MAGI2: variants seen among roughly 807,000 people sequenced by gnomAD.
MAGI2 encodes the protein membrane-associated guanylate kinase, WW and PDZ domain-containing protein 2.
A neutral mutation model predicts 133.3 loss-of-function variants in MAGI2; 35 were observed. That is an observed-to-expected ratio of 0.26 (90% CI 0.20 to 0.35). MAGI2 has a LOEUF of 0.35. Among genes scored for constraint, MAGI2 ranks in the 10% least tolerant of loss-of-function variants. The probability of loss-of-function intolerance (pLI) is 1.00; values close to 1 mark genes in which losing one functional copy is unlikely to be tolerated. For missense variants in MAGI2, 1,636 were observed against 1,863.4 expected, an observed-to-expected ratio of 0.88 and a Z score of 2.25; for synonymous variants, 729 against 710.6, an observed-to-expected ratio of 1.03 and a Z score of -0.41.
chr7:79,254,326 T>C (rs1833534506), intron 1 of MAGI2, among the ~76,000 whole-genome samples: 1 of 152,224 alleles, frequency 6.6e-6, no homozygotes, highest in Non-Finnish European at 1.5e-5. Context: ...GTCTTTTGAC[T>C]TGTTTATGGC....
intron 1 of MAGI2, among the ~76,000 whole-genome samples, chr7:79,404,633 A>G (rs1479243577): frequency 1.3e-5 from 2 of 152,148 alleles, no homozygotes; most frequent in African/African-American, 4.8e-5. Flanking sequence ...ATGTTTTTCA[A>G]AAAAGCCAGA....
At chr7:79,363,083 A>T (rs1024709384) in intron 1 of MAGI2, among the ~76,000 whole-genome samples, 7 of 151,702 alleles carry the variant, frequency 4.6e-5, no homozygotes, top group African/African-American at 1.7e-4. Flanking sequence ...AAGAACTGGT[A>T]CTTGAGTTCA....
chr7:79,357,107 G>A (rs1842071990), intron 1 of MAGI2, among the ~76,000 whole-genome samples: 1 of 152,164 alleles, frequency 6.6e-6, no homozygotes. Context: ...AAATCTGACA[G>A]TCAGGCTTGT....
chr7:78,445,395 C>G (rs1225192420), intron 6 of MAGI2, among the ~76,000 whole-genome samples: 1 of 151,984 alleles, frequency 6.6e-6, no homozygotes, highest in East Asian at 1.9e-4. Context: ...CATCTTTTGG[C>G]TGGCTGCATT....
intron 1 of MAGI2, among the ~76,000 whole-genome samples, chr7:79,122,138 T>C (rs1819957366): frequency 6.6e-6 from 1 of 152,206 alleles, no homozygotes; most frequent in Non-Finnish European, 1.5e-5. Context: ...TCATTTTGAA[T>C]CTATACTAAA....
At chr7:78,394,240 C>T (rs1796146579) in intron 6 of MAGI2, among the ~76,000 whole-genome samples, 1 of 152,336 alleles carries the variant, frequency 6.6e-6, no homozygotes, top group South Asian at 2.1e-4. Flanking sequence ...CAAGTAAACA[C>T]ATAAAATTAA....
chr7:78,355,675 T>A (rs570466641), intron 7 of MAGI2, among the ~76,000 whole-genome samples: 6 of 152,272 alleles, frequency 3.9e-5, no homozygotes, highest in Admixed American at 2.0e-4. Flanking sequence ...ACACTTAGCT[T>A]TTATGGTGAA....
intron 21 of MAGI2, among the ~76,000 whole-genome samples, chr7:78,056,151 T>G (rs978252523): frequency 1.3e-5 from 2 of 152,204 alleles, no homozygotes; most frequent in Non-Finnish European, 2.9e-5. Context: ...AGATGCCTCA[T>G]GTAAGTGGAA....
chr7:78,228,908 T>C (rs1383412796), intron 10 of MAGI2, among the ~76,000 whole-genome samples: 3 of 152,238 alleles, frequency 2.0e-5, no homozygotes, highest in Non-Finnish European at 4.4e-5. Context: ...AGATGTAACA[T>C]ATTTCTTGGA....
intron 1 of MAGI2, among the ~76,000 whole-genome samples, chr7:79,416,234 A>T (rs2129175343): frequency 6.6e-6 from 1 of 152,234 alleles, no homozygotes; most frequent in East Asian, 1.9e-4. Flanking sequence ...GGTAAATAAA[A>T]CTAGAAATAT....
At chr7:79,275,787 G>A (rs906402799) in intron 1 of MAGI2, among the ~76,000 whole-genome samples, 3 of 152,022 alleles carry the variant, frequency 2.0e-5, no homozygotes, top group African/African-American at 7.2e-5. Flanking sequence ...TCTAAAAAAG[G>A]GCCCTTAAGA....
In MAGI2 at chr7:78,019,753, G is replaced by C; in HGVS notation, c.3930C>G (p.Leu1310=). The part of the protein sequence containing the change: ...LSACGQKKQR[L]GEQRERSASP... ...TCGCCGAGCGCTCCCTCTGCTCCCC[G>C]AGGCGCTGCTTCTTCTGGCCGCAGG... Residue 1310 remains leucine (L), a synonymous_variant, in exon 22 of 22, where the codon CTC becomes CTG. Coordinates refer to ENST00000354212, the MANE Select transcript of MAGI2 (RefSeq NM_012301.4). 3 of 1,611,700 alleles carry C rather than the reference G, an allele frequency of 1.9e-6. No homozygotes were observed. The highest frequency in any genetic ancestry group is 2.5e-6 in the Non-Finnish European group (3 of 1,179,400).
intron 10 of MAGI2, among the ~76,000 whole-genome samples, chr7:78,226,399 T>C (rs747757746): frequency 2.0e-5 from 3 of 152,072 alleles, no homozygotes; most frequent in Non-Finnish European, 2.9e-5. Context: ...TAATGGATTA[T>C]AGACAAAATA....
At chr7:79,068,564 A>T (rs1216715362) in intron 1 of MAGI2, among the ~76,000 whole-genome samples, 1 of 152,022 alleles carries the variant, frequency 6.6e-6, no homozygotes, top group Admixed American at 6.6e-5. Context: ...GATTTTTTGA[A>T]GGGTTTTTTG....
intron 10 of MAGI2, among the ~76,000 whole-genome samples, chr7:78,236,284 C>G (rs563410408): frequency 6.6e-6 from 1 of 152,022 alleles, no homozygotes; most frequent in African/African-American, 2.4e-5. Flanking sequence ...CAAAGAGAAT[C>G]GAATGATGAT....
At position 79,399,188 on chromosome 7, in the gene MAGI2, C is replaced by T. The variant is rs188463185; in HGVS notation, c.301+53832G>A. On this transcript the variant is annotated intron_variant, in intron 1 of 21. Coordinates refer to ENST00000354212, the MANE Select transcript of MAGI2 (RefSeq NM_012301.4). Reference sequence around the variant, plus strand: ...TGGCTCACTGCAAACTCTGCCTCCCCGGTTCAGGCAATTCTGCTGCCTCAG... The same window carrying T: ...TGGCTCACTGCAAACTCTGCCTCCCTGGTTCAGGCAATTCTGCTGCCTCAG... Among the ~76,000 whole-genome samples, 828 of 149,800 alleles carry T rather than the reference C, an allele frequency of 5.5e-3. 5 individuals carry two copies. The highest frequency in any genetic ancestry group is 0.019 in the African/African-American group (774 of 40,298).
chr7:78,420,422 A>G (rs1163018855), intron 6 of MAGI2, among the ~76,000 whole-genome samples: 3 of 152,222 alleles, frequency 2.0e-5, no homozygotes, highest in Non-Finnish European at 4.4e-5. Flanking sequence ...TAAAAATCCA[A>G]TAAAGTTTAA....
At position 78,135,113 on chromosome 7, in the gene MAGI2, C is replaced by T; in HGVS notation, c.2939G>A (p.Gly980Asp). The T allele has an allele frequency of 6.2e-7, 1 of 1,614,040 alleles. No individual in the cohort carries two copies. The part of the protein sequence containing the change: ...KVGDRILAVN[G>D]QSIINMPHAD... ...GTGAGGCATGTTGATGATAGACTGG[C>T]CATTCACTGCTAGGATCCGGTCTCC... Residue 980 changes from glycine to aspartate, a missense_variant, in exon 17 of 22, where the codon GGC becomes GAC. Around this residue, in one of 5 missense-constraint regions of MAGI2, gnomAD observed 920 missense variants for 1,093.5 expected, o/e 0.84. Coordinates refer to ENST00000354212, the MANE Select transcript of MAGI2 (RefSeq NM_012301.4).
At chr7:79,183,170 T>C (rs989235547) in intron 1 of MAGI2, among the ~76,000 whole-genome samples, 2 of 151,900 alleles carry the variant, frequency 1.3e-5, no homozygotes, top group African/African-American at 2.4e-5. Context: ...CCATATATTG[T>C]ATATTTCAAA....
Sources: gnomAD v4.1 joint callset for allele counts (sites outside exome capture counted in the v4.1 genomes callset) on GRCh38, gnomAD v4.1.1 for gene constraint, gnomAD v4.1.1 regional missense constraint, MANE v1.5 for transcripts, NCBI Gene and HGNC (gene_info 2026-07-23, HGNC 2026-07-21) for gene names.